The following RIN2 variants were observed in gnomAD, a reference collection of about 807,000 sequenced individuals.
RIN2 encodes Ras and Rab interactor 2, also known as RAB5 interacting protein 2.
Under a neutral mutation model 78.0 loss-of-function variants are expected in RIN2, and 36 were observed. The observed-to-expected ratio is 0.46, with a 90% CI of 0.35 to 0.61. The LOEUF is 0.61. Ranked by LOEUF, RIN2 falls within the 20% of genes least tolerant of loss-of-function variation. The pLI, the probability that RIN2 is intolerant of heterozygous loss-of-function variation, is 0.00. For missense variants in RIN2, 1,087 were observed against 1,159.7 expected (o/e 0.94, Z 0.91); for synonymous variants, 466 against 466.8 (o/e 1.00, Z 0.02).
intron 2 of RIN2, among the ~76,000 whole-genome samples, chr20:19,802,361 G>A (rs8113854): frequency 0.11 from 16,127 of 151,994 alleles, 922 homozygotes; most frequent in South Asian, 0.18. Flanking sequence ...CAGGCCAGGT[G>A]TGGTGGCTCA....
intron 1 of RIN2, among the ~76,000 whole-genome samples, chr20:19,786,751 G>T (rs368704465): frequency 1.3e-5 from 2 of 152,196 alleles, no homozygotes; most frequent in Non-Finnish European, 2.9e-5. Context: ...TACCTTTTGC[G>T]GTAGTGCTGT....
rs756703809 is a variant in RIN2, at chr20:19,975,754, C to T, written c.1729C>T (p.Pro577Ser). Residue 577 changes from proline to serine, a missense_variant, in exon 9 of 13, where the codon CCC (proline) becomes TCC (serine). Pro to Ser is a moderately conservative substitution (Grantham distance 74, BLOSUM62 -1). Around this residue, in one of 8 missense-constraint regions of RIN2, gnomAD observed 39 missense variants for 34.9 expected, o/e 1.12. Transcript: ENST00000255006. The surrounding 1 kb of genome is among the most constrained non-coding windows in gnomAD (Gnocchi z 4.9). The stretch of plus-strand genomic sequence containing the variant: ...GTCTCAGAGCTCGGAGCTGGACCCC[C>T]CCATCGAGTCGCTGATCCCTGAAGA... ...YLSQSSELDP[P>S]IESLIPEDQI... 4 of 1,612,154 alleles carry T rather than the reference C, an allele frequency of 2.5e-6. No homozygotes were observed. The highest frequency in any genetic ancestry group is 3.3e-5 in the Admixed American group (2 of 59,860).
chr20:19,908,958 A>C (rs1277639693), intron 3 of RIN2, among the ~76,000 whole-genome samples: 1 of 152,120 alleles, frequency 6.6e-6, no homozygotes, highest in Admixed American at 6.5e-5. Flanking sequence ...TCTGCCTCCC[A>C]GGTTCAAGTG....
chr20:19,938,894 G>A (rs975067236), intron 4 of RIN2, among the ~76,000 whole-genome samples: 12 of 152,138 alleles, frequency 7.9e-5, no homozygotes, highest in African/African-American at 2.9e-4. Flanking sequence ...GCCCACTCAG[G>A]AAGTGTTCCT....
At chr20:19,989,178 A>G (rs978947125) in intron 9 of RIN2, among the ~76,000 whole-genome samples, 2 of 150,938 alleles carry the variant, frequency 1.3e-5, no homozygotes, top group African/African-American at 4.9e-5. Context: ...TGCCCCACTA[A>G]TGTCCTTTAT....
chr20:19,921,404 C>T (rs1021392784), intron 3 of RIN2, among the ~76,000 whole-genome samples: 21 of 152,256 alleles, frequency 1.4e-4, no homozygotes, highest in Non-Finnish European at 4.4e-5. Flanking sequence ...ATCCGAGCTC[C>T]GCCTCCTCTC....
chr20:19,869,528 C>A (rs1600663516), intron 2 of RIN2, among the ~76,000 whole-genome samples: 1 of 152,298 alleles, frequency 6.6e-6, no homozygotes, highest in Non-Finnish European at 1.5e-5. Context: ...TGGATTGGCC[C>A]ATGCCACTCC....
chr20:19,792,090 G>T (rs4813372), intron 1 of RIN2, among the ~76,000 whole-genome samples: 6 of 152,140 alleles, frequency 3.9e-5, no homozygotes, highest in South Asian at 2.1e-4. Flanking sequence ...AAGGCCAAGT[G>T]GACAGTATGA....
chr20:19,833,513 G>A (rs1412534339), intron 2 of RIN2, among the ~76,000 whole-genome samples: 2 of 152,144 alleles, frequency 1.3e-5, no homozygotes, highest in Non-Finnish European at 2.9e-5. Flanking sequence ...ATGTCCCTTG[G>A]TGTTCAGCTT....
At chr20:19,942,183 G>A (rs1368135086) in intron 4 of RIN2, among the ~76,000 whole-genome samples, 3 of 151,974 alleles carry the variant, frequency 2.0e-5, no homozygotes, top group Non-Finnish European at 2.9e-5. Context: ...AGTGGAGCCT[G>A]AAGATTTACA....
At chr20:19,944,820 T>G (rs2041022275) in intron 4 of RIN2, among the ~76,000 whole-genome samples, 1 of 152,094 alleles carries the variant, frequency 6.6e-6, no homozygotes, top group Non-Finnish European at 1.5e-5. Flanking sequence ...TGTAGAAGCT[T>G]TGGGGTTTTG....
intron 2 of RIN2, among the ~76,000 whole-genome samples, chr20:19,806,739 A>G (rs557144533): frequency 1.3e-3 from 199 of 152,316 alleles, no homozygotes; most frequent in Non-Finnish European, 2.2e-3. Context: ...TCTACAAAAG[A>G]TAACAAAAAT....
At chr20:19,884,752 T>G (rs994718883) in intron 2 of RIN2, among the ~76,000 whole-genome samples, 3 of 152,134 alleles carry the variant, frequency 2.0e-5, no homozygotes. Flanking sequence ...TCAGAGAACT[T>G]CCCTGGACCC....
rs761930262 is a variant in RIN2 at position 19,975,597 on chromosome 20, C to A, written c.1572C>A (p.Asp524Glu). The A allele has an allele frequency of 6.2e-7, 1 of 1,613,998 alleles. No individual in the cohort carries two copies. The change falls in exon 9 of 13, where the codon GAC (aspartate) becomes GAA (glutamate). Residue 524 changes from aspartate (D) to glutamate (E), a missense_variant. Around this residue, in one of 8 missense-constraint regions of RIN2, gnomAD observed 34 missense variants for 46.1 expected, o/e 0.74. Transcript: ENST00000255006. This position sits in a 1 kb window ranked among gnomAD's most constrained non-coding sequence, Gnocchi z 4.9. ...GCAGGATCGCCGAGCTTTCCCGGGA[C>A]AAATGCACCTACTTCGGGTGCTTAG... ...MVRRIAELSR[D>E]KCTYFGCLVQ... is the part of the protein sequence containing the mutation.
Position 19,935,184 on chromosome 20 carries a change from C to T in RIN2, c.143C>T (p.Pro48Leu). 1 of 1,599,370 alleles carries T rather than the reference C, an allele frequency of 6.3e-7. No homozygotes were observed. Among genetic ancestry groups the T allele is most frequent in the Non-Finnish European group, 8.5e-7 (1 of 1,173,022 alleles). The change falls in exon 4 of 13, where the codon CCC (proline) becomes CTC (leucine). Residue 48 changes from proline (P) to leucine (L), a missense_variant. By Grantham distance (98) the Pro-to-Leu change is moderately conservative (BLOSUM62 -3). Around this residue, in one of 8 missense-constraint regions of RIN2, gnomAD observed 706 missense variants for 667.5 expected, o/e 1.06. Coordinates refer to ENST00000255006, the MANE Select transcript of RIN2 (RefSeq NM_018993.4). ...TDVNLENGLE[P>L]AETHSMVRHK... ...GTCAACCTGGAAAATGGCCTGGAAC[C>T]CGCTGAAACCCACAGGTGACCAGAG...
chr20:19,955,708 G>T (rs2041504143), intron 4 of RIN2, among the ~76,000 whole-genome samples: 4 of 152,198 alleles, frequency 2.6e-5, no homozygotes, highest in Admixed American at 2.6e-4. Flanking sequence ...TATGAGTAAT[G>T]TCGACATGAT....
chr20:19,844,669 C>CCTCTTCCTCTTCCTCTTCTTCTT (rs1568807647), intron 2 of RIN2, among the ~76,000 whole-genome samples: 6 of 76,166 alleles, frequency 7.9e-5, no homozygotes, highest in African/African-American at 3.7e-4. Flanking sequence ...TCTTCTTCTT[C>CCTCTTCCTCTTCCTCTTCTTCTT]CTTCTTCTTC....
At chr20:19,772,879 G>A (rs911270690) in intron 1 of RIN2, among the ~76,000 whole-genome samples, 9 of 151,888 alleles carry the variant, frequency 5.9e-5, no homozygotes, top group African/African-American at 2.2e-4. Flanking sequence ...TCAAACACCA[G>A]GACCTACACT....
At chr20:19,820,503 T>C (rs1250498821) in intron 2 of RIN2, among the ~76,000 whole-genome samples, 1 of 152,208 alleles carries the variant, frequency 6.6e-6, no homozygotes. Context: ...GGTCTGGGCA[T>C]GTTACTTCTA....
Sources: allele counts gnomAD v4.1 joint callset (sites outside exome capture counted in the v4.1 genomes callset), GRCh38; gene constraint gnomAD v4.1.1; regional missense constraint gnomAD v4.1.1; non-coding constraint Gnocchi (gnomAD v3.1); transcripts MANE v1.5; gene names NCBI Gene and HGNC (gene_info 2026-07-23, HGNC 2026-07-21).